PARD3B: variants seen among roughly 807,000 people sequenced by gnomAD.
The protein encoded by PARD3B is partitioning defective 3 homolog B.
PARD3B carries 103 observed loss-of-function variants against 130.2 expected under a neutral mutation model. The ratio of observed to expected loss-of-function variants is 0.79; its 90% CI spans 0.67 to 0.93. PARD3B has a LOEUF of 0.93. PARD3B is among the 40% of genes least tolerant of loss of function. PARD3B has a pLI of 0.00. For synonymous variants in PARD3B, 583 were observed against 553.2 expected (o/e 1.05, Z -0.76); for missense variants, 1,609 against 1,499.2 (o/e 1.07, Z -1.21).
Position 205,185,762 on chromosome 2 carries a change from A to C in PARD3B, c.1925-2A>C, listed in dbSNP as rs761328604. On this transcript the variant is annotated splice_acceptor_variant, in intron 13 of 22. Transcript: ENST00000406610. LOFTEE classifies it high-confidence loss of function. Reference sequence around the variant, plus strand: ...ACAGCTTCATTTGTTCTTTGTTTATAGGTCTATTGCTGCCCAATGACGGAT... The same window carrying C: ...ACAGCTTCATTTGTTCTTTGTTTATCGGTCTATTGCTGCCCAATGACGGAT... 6.8e-6 allele frequency: 11 copies of C among 1,611,988 alleles called. No individual in the cohort carries two copies. The highest frequency in any genetic ancestry group is 1.7e-5 in the Admixed American group (1 of 60,014).
chr2:205,391,443 T>C (rs772577294), intron 18 of PARD3B, among the ~76,000 whole-genome samples: 3 of 152,234 alleles, frequency 2.0e-5, no homozygotes, highest in Non-Finnish European at 2.9e-5. Flanking sequence ...GAAGAAGACA[T>C]ATTTTCTACT....
intron 10 of PARD3B, among the ~76,000 whole-genome samples, chr2:205,144,409 G>A (rs1490145821): frequency 6.6e-6 from 1 of 152,162 alleles, no homozygotes; most frequent in African/African-American, 2.4e-5. Context: ...TTGTGTGACA[G>A]TAGCTGACTG....
At chr2:204,618,893 T>C (rs1041742606) in intron 1 of PARD3B, among the ~76,000 whole-genome samples, 1 of 152,216 alleles carries the variant, frequency 6.6e-6, no homozygotes, top group Non-Finnish European at 1.5e-5. Flanking sequence ...ATTTTCCTTA[T>C]GATTTTTCTA....
chr2:204,586,846 G>C (rs1329381017), intron 1 of PARD3B, among the ~76,000 whole-genome samples: 1 of 152,072 alleles, frequency 6.6e-6, no homozygotes, highest in Non-Finnish European at 1.5e-5. Flanking sequence ...TAAACATTTT[G>C]TACCATTACC....
intron 2 of PARD3B, among the ~76,000 whole-genome samples, chr2:204,759,196 A>G (rs1232385378): frequency 6.6e-6 from 1 of 152,204 alleles, no homozygotes; most frequent in Non-Finnish European, 1.5e-5. Flanking sequence ...CTCTGAACAC[A>G]TAAAATTAAA....
chr2:204,778,974 G>A (rs997765564), intron 2 of PARD3B, among the ~76,000 whole-genome samples: 18 of 152,216 alleles, frequency 1.2e-4, no homozygotes, highest in East Asian at 3.9e-4. Context: ...ACTGCCTGCC[G>A]CCTCAGCCTC....
intron 3 of PARD3B, among the ~76,000 whole-genome samples, chr2:204,974,632 G>A (rs1691982598): frequency 6.6e-6 from 1 of 152,196 alleles, no homozygotes; most frequent in Non-Finnish European, 1.5e-5. Context: ...CTGAAAGCAT[G>A]AGGAAAACTT....
Position 204,561,697 on chromosome 2 carries a change from G to A in PARD3B, c.120+15578G>A, listed in dbSNP as rs2031321010. On this transcript the variant is annotated intron_variant, in intron 1 of 22. Transcript: ENST00000406610. ...TGCAACCTCCGCCTCCAGGGTTCAA[G>A]TGATTCTCCTGCCTCAGCCTCCCGA... Among the ~76,000 whole-genome samples, 6 of 151,366 alleles carry A rather than the reference G, an allele frequency of 4.0e-5. No homozygotes were observed. In the South Asian group the frequency reaches 1.3e-3, roughly 32 times the overall value.
At chr2:204,738,725 T>C (rs1473187538) in intron 2 of PARD3B, among the ~76,000 whole-genome samples, 6 of 152,152 alleles carry the variant, frequency 3.9e-5, no homozygotes, top group African/African-American at 1.4e-4. Flanking sequence ...TTCATTATGG[T>C]CACTCCCTGC....
chr2:205,141,033 G>A (rs1445798580), intron 10 of PARD3B, among the ~76,000 whole-genome samples: 10 of 152,100 alleles, frequency 6.6e-5, no homozygotes, highest in African/African-American at 1.2e-4. Flanking sequence ...CCGGGATAAC[G>A]GATGGTGTCA....
intron 2 of PARD3B, among the ~76,000 whole-genome samples, chr2:204,716,252 C>G (rs1375961167): frequency 6.6e-6 from 1 of 151,798 alleles, no homozygotes; most frequent in Non-Finnish European, 1.5e-5. Flanking sequence ...AGTGTAGTGC[C>G]TTGCTACTCA....
chr2:205,357,951 C>T (rs958067490), intron 18 of PARD3B, among the ~76,000 whole-genome samples: 4 of 152,204 alleles, frequency 2.6e-5, no homozygotes, highest in Admixed American at 6.5e-5. Flanking sequence ...AACATCCCCA[C>T]GCCTGGCTGA....
intron 3 of PARD3B, among the ~76,000 whole-genome samples, chr2:204,999,896 C>A (rs1163171553): frequency 6.6e-6 from 1 of 152,168 alleles, no homozygotes; most frequent in East Asian, 1.9e-4. Flanking sequence ...TTTATCTCAG[C>A]AAAATAGTAT....
chr2:204,638,929 C>T (rs753175024), intron 1 of PARD3B, among the ~76,000 whole-genome samples: 18 of 152,142 alleles, frequency 1.2e-4, no homozygotes, highest in Non-Finnish European at 2.5e-4. Context: ...GTATCCAGCC[C>T]TGGCATGGGT....
chr2:205,432,383 C>T (rs758238929), intron 19 of PARD3B, among the ~76,000 whole-genome samples: 14 of 152,114 alleles, frequency 9.2e-5, no homozygotes, highest in Non-Finnish European at 1.6e-4. Context: ...GTTTGCTTCC[C>T]ACCTCACTGA....
chr2:205,262,187 A>G (rs941400463), intron 16 of PARD3B, among the ~76,000 whole-genome samples: 1 of 152,102 alleles, frequency 6.6e-6, no homozygotes, highest in Non-Finnish European at 1.5e-5. Flanking sequence ...AATTTGGATC[A>G]AGACAGCCCA....
chr2:205,262,434 C>T (rs964298641), intron 16 of PARD3B, among the ~76,000 whole-genome samples: 1 of 152,038 alleles, frequency 6.6e-6, no homozygotes, highest in African/African-American at 2.4e-5. Flanking sequence ...ACTGGCTTTG[C>T]ACACACAATA....
chr2:205,488,635 A>G (rs1232105937), intron 20 of PARD3B, among the ~76,000 whole-genome samples: 1 of 152,164 alleles, frequency 6.6e-6, no homozygotes, highest in African/African-American at 2.4e-5. Flanking sequence ...TTGCATATAC[A>G]AGGCCATGTT....
intron 2 of PARD3B, among the ~76,000 whole-genome samples, chr2:204,871,456 T>C (rs992767512): frequency 6.6e-6 from 1 of 152,132 alleles, no homozygotes; most frequent in Non-Finnish European, 1.5e-5. Context: ...TCAGAACACT[T>C]AGAACAATGT....
Sources: allele counts gnomAD v4.1 joint callset (sites outside exome capture counted in the v4.1 genomes callset), GRCh38; gene constraint gnomAD v4.1.1; transcripts MANE v1.5; gene names NCBI Gene and HGNC (gene_info 2026-07-23, HGNC 2026-07-21).